The following CCDC3 variants were observed in gnomAD, a reference collection of about 807,000 sequenced individuals.
The protein encoded by CCDC3 is coiled-coil domain-containing protein 3.
In CCDC3, 24 loss-of-function variants were observed where a neutral mutation model predicts 21.4. That is an observed-to-expected ratio of 1.12 (90% CI 0.81 to 1.58). CCDC3 has a LOEUF of 1.58. CCDC3 is among the 40% of genes most tolerant of loss of function. CCDC3 has a pLI of 0.00. For synonymous variants in CCDC3, 186 were observed against 166.0 expected (o/e 1.12, Z -0.93); for missense variants, 425 against 360.9 (o/e 1.18, Z -1.44).
chr10:13,081,708 C>G (rs1260624673), intron 3 of CCDC3, among the ~76,000 whole-genome samples: 1 of 152,172 alleles, frequency 6.6e-6, no homozygotes, highest in Non-Finnish European at 1.5e-5. Flanking sequence ...AGACCAAAGT[C>G]TCTATAGTAA....
At position 12,917,343 on chromosome 10, in the gene CCDC3, G is replaced by A. The variant is rs191779542; in HGVS notation, c.550-18664C>T. Among the ~76,000 whole-genome samples the A allele has an allele frequency of 6.6e-5, 10 of 151,632 alleles. No homozygotes were observed. In the South Asian group the frequency reaches 8.4e-4, roughly 13 times the overall value. On this transcript the variant is annotated intron_variant, in intron 2 of 2. Transcript: ENST00000378825. ...TGAGTAGCTGGGACTACAGGTACCC[G>A]CCACCATACCCGGCTAATTTTTTTT... is the stretch of plus-strand genomic sequence containing the variant.
chr10:12,906,024 A>G (rs1217077450), intron 2 of CCDC3, among the ~76,000 whole-genome samples: 1 of 152,176 alleles, frequency 6.6e-6, no homozygotes, highest in African/African-American at 2.4e-5. Context: ...CGTTTTCCAT[A>G]AACAGGTTGG....
At chr10:12,905,378 T>C (rs1834153950) in intron 2 of CCDC3, among the ~76,000 whole-genome samples, 1 of 152,206 alleles carries the variant, frequency 6.6e-6, no homozygotes, top group Admixed American at 6.5e-5. Flanking sequence ...ATCTGGCCCT[T>C]TACAAGGAAA....
intron 2 of CCDC3, among the ~76,000 whole-genome samples, chr10:12,912,908 C>T (rs951778964): frequency 6.6e-6 from 1 of 152,190 alleles, no homozygotes; most frequent in African/African-American, 2.4e-5. Context: ...GTCGAAAATC[C>T]ATTGACCATA....
At chr10:13,041,890 G>A (rs1230959264) in intron 5 of CCDC3, among the ~76,000 whole-genome samples, 1 of 151,922 alleles carries the variant, frequency 6.6e-6, no homozygotes, top group African/African-American at 2.4e-5. Context: ...ACCTACCAAA[G>A]TGCTGGGATT....
intron 5 of CCDC3, among the ~76,000 whole-genome samples, chr10:13,047,976 C>A (rs1357945761): frequency 3.3e-5 from 5 of 152,076 alleles, no homozygotes; most frequent in African/African-American, 9.7e-5. Context: ...AGGATATGGT[C>A]ACATGACTGA....
chr10:12,940,432 G>A (rs1207984040), intron 2 of CCDC3, among the ~76,000 whole-genome samples: 1 of 152,132 alleles, frequency 6.6e-6, no homozygotes, highest in Non-Finnish European at 1.5e-5. Context: ...GAATGGATGA[G>A]CTTAGATGTC....
chr10:12,933,699 C>T (rs1282466610), intron 2 of CCDC3, among the ~76,000 whole-genome samples: 6 of 152,086 alleles, frequency 3.9e-5, no homozygotes, highest in African/African-American at 1.4e-4. Flanking sequence ...CTCAAGTGAT[C>T]CGCCCGACTC....
At chr10:12,986,025 G>C (rs1040459196) in intron 2 of CCDC3, among the ~76,000 whole-genome samples, 2 of 152,156 alleles carry the variant, frequency 1.3e-5, no homozygotes, top group South Asian at 2.1e-4. Flanking sequence ...ACAGGCGCCC[G>C]CCACCACGCC....
At chr10:12,912,453 T>G (rs1297058762) in intron 2 of CCDC3, among the ~76,000 whole-genome samples, 1 of 152,246 alleles carries the variant, frequency 6.6e-6, no homozygotes, top group East Asian at 1.9e-4. Context: ...CCTTTGCCCA[T>G]TTTTTAAATC....
chr10:13,073,677 G>A (rs1836914740), intron 4 of CCDC3, among the ~76,000 whole-genome samples: 1 of 152,068 alleles, frequency 6.6e-6, no homozygotes, highest in Admixed American at 6.5e-5. Flanking sequence ...TGTAGAGACA[G>A]GGTTTCTCAA....
intron 2 of CCDC3, among the ~76,000 whole-genome samples, chr10:12,996,338 G>C (rs1185133346): frequency 6.6e-6 from 1 of 152,094 alleles, no homozygotes; most frequent in Non-Finnish European, 1.5e-5. Context: ...AGGAATGTAT[G>C]TTTGTTTGTT....
intron 5 of CCDC3, among the ~76,000 whole-genome samples, chr10:13,045,515 G>A (rs972509458): frequency 6.6e-6 from 1 of 152,030 alleles, no homozygotes; most frequent in Non-Finnish European, 1.5e-5. Context: ...CTACTCAAGA[G>A]GCTGAGGCAG....
At chr10:13,007,972 G>A (rs1201169584) in intron 5 of CCDC3, among the ~76,000 whole-genome samples, 1 of 152,158 alleles carries the variant, frequency 6.6e-6, no homozygotes, top group Non-Finnish European at 1.5e-5. Flanking sequence ...TACTGCAGGT[G>A]TGAACCACAA....
intron 4 of CCDC3, among the ~76,000 whole-genome samples, chr10:13,050,777 T>C (rs1453439465): frequency 1.3e-5 from 2 of 151,856 alleles, no homozygotes; most frequent in African/African-American, 2.4e-5. Context: ...TTCTTTATCA[T>C]TACGTTTTAG....
At chr10:13,098,600 T>C (rs1340569768) in exon 3 of CCDC3, 1 of 152,180 alleles carries the variant, frequency 6.6e-6, no homozygotes, top group East Asian at 1.9e-4. Context: ...CCGTCTTTTC[T>C]GCCTGGATTA....
chr10:12,911,636 G>A (rs1028190468), intron 2 of CCDC3, among the ~76,000 whole-genome samples: 2 of 152,108 alleles, frequency 1.3e-5, no homozygotes, highest in African/African-American at 4.8e-5. Context: ...GCTAATTAAC[G>A]ATGTATCACC....
At chr10:12,914,956 G>A (rs759118511) in intron 2 of CCDC3, among the ~76,000 whole-genome samples, 18 of 151,734 alleles carry the variant, frequency 1.2e-4, no homozygotes, top group Non-Finnish European at 2.2e-4. Context: ...GTTCTTTTTT[G>A]ATGCAGGCAT....
rs559085787 is a variant in CCDC3 at position 13,082,618 on chromosome 10, G to C, written c.-502-8518C>G. On this transcript the variant is annotated intron_variant, in intron 3 of 6. Coordinates refer to the CCDC3 transcript ENST00000378839. ...CCCTTTCCCGGTTTGCTAAGTAACGGGTGCCTTCCCTAGGCACTGACATTA... is the reference window on the plus strand; with the variant it reads ...CCCTTTCCCGGTTTGCTAAGTAACGCGTGCCTTCCCTAGGCACTGACATTA... Among the ~76,000 whole-genome samples the C allele has an allele frequency of 1.2e-4, 19 of 152,236 alleles. No individual in the cohort carries two copies. In the South Asian group the frequency reaches 1.5e-3, roughly 12 times the overall value.
Sources: allele counts gnomAD v4.1 joint callset (sites outside exome capture counted in the v4.1 genomes callset), GRCh38; gene constraint gnomAD v4.1.1; transcripts MANE v1.5; gene names NCBI Gene and HGNC (gene_info 2026-07-23, HGNC 2026-07-21).